MUC3A: variants seen among roughly 807,000 people sequenced by gnomAD.
The protein encoded by MUC3A is mucin 3A, cell surface associated.
MUC3A carries 109 observed loss-of-function variants against 109.0 expected under a neutral mutation model. The ratio of observed to expected loss-of-function variants is 1.00; its 90% CI spans 0.86 to 1.17. MUC3A has a LOEUF of 1.17. Among genes scored for constraint, MUC3A ranks in the 50% most tolerant of loss-of-function variants. MUC3A has a pLI of 0.00. For missense variants in MUC3A, 3,537 were observed against 2,469.4 expected (o/e 1.43, Z -9.16); for synonymous variants, 1,398 against 981.4 (o/e 1.42, Z -7.93).
At chr7:100,965,215 C>A in intron 6 of MUC3A, 67 bp from the exon 7 acceptor site, 2 of 1,572,324 alleles carry the variant, frequency 1.3e-6, no homozygotes, top group South Asian at 2.3e-5. Context: ...TGCCTCCTGG[C>A]GCTAACCCCT....
At position 100,966,607 on chromosome 7, in the gene MUC3A, C is replaced by G. The variant is rs746197115; in HGVS notation, c.9786-45C>G. On this transcript the variant is annotated intron_variant, in intron 9 of 11. Coordinates refer to ENST00000379458, the MANE Select transcript of MUC3A (RefSeq NM_005960.2). ...CGGGGGGCGAGGGCAGCCAAGGGGT[C>G]CCAGGCGGGCCGGCTCTGTCTGACC... The G allele has an allele frequency of 1.9e-6, 3 of 1,597,872 alleles. No individual in the cohort carries two copies. In the South Asian group the frequency reaches 3.3e-5, roughly 18 times the overall value.
chr7:100,965,147 TCTGGG>T, intron 6 of MUC3A, 130 bp from the exon 7 acceptor site: 1 of 1,614 alleles, frequency 6.2e-4, no homozygotes, highest in Non-Finnish European at 7.3e-4. Context: ...GCTCTCTCCG[TCTGGG>T]AGAGGGCTCT....
rs1792395075 is a variant in MUC3A, at chr7:100,963,131, G to T, written c.9053-20G>T. On this transcript the variant is annotated intron_variant, in intron 3 of 11. Transcript: ENST00000379458. ...AAAAGCAGACAGAGAAGTGACTGGG[G>T]ACATGCATGCTCTGTGTAGATGTAG... 1 of 1,596,258 alleles carries T rather than the reference G, an allele frequency of 6.3e-7. No individual in the cohort carries two copies.
chr7:100,965,970 T>C, intron 8 of MUC3A, 104 bp downstream of exon 8: 1 of 1,449,110 alleles, frequency 6.9e-7, no homozygotes, highest in Non-Finnish European at 9.1e-7. Flanking sequence ...GGGCCTACAG[T>C]GGAGCCTCGT....
Position 100,951,909 on chromosome 7 carries a change from C to A in MUC3A, c.130C>A (p.Leu44Ile). ...FPRAEAASAV[L>I]SNSPHSRDLA... is the part of the protein sequence containing the mutation. ...CAGAGCAGAAGCAGCCAGCGCTGTG[C>A]TCAGCAATTCTCCACACTCCAGAGA... Residue 44 changes from leucine (L) to isoleucine (I), a missense_variant, in exon 2 of 12, where the codon CTC becomes ATC. Physicochemically the swap from Leu to Ile is conservative, Grantham distance 5 (BLOSUM62 2). Transcript: ENST00000379458. The A allele has an allele frequency of 6.3e-7, 1 of 1,598,642 alleles. No individual in the cohort carries two copies. Among genetic ancestry groups the A allele is most frequent in the Non-Finnish European group, 8.5e-7 (1 of 1,179,788 alleles).
At position 100,965,686 on chromosome 7, in the gene MUC3A, C is replaced by A. The variant is rs201393922; in HGVS notation, c.9449-18C>A. ...GATGAGGTCCTTGTCTCTGTGCATC[C>A]CCCTCCCCAACCCCCAGCCATCTGC... On this transcript the variant is annotated intron_variant, in intron 7 of 11. Coordinates refer to ENST00000379458, the MANE Select transcript of MUC3A (RefSeq NM_005960.2). The A allele has an allele frequency of 7.9e-5, 126 of 1,593,008 alleles. No homozygotes were observed. The highest frequency in any genetic ancestry group is 7.6e-5 in the Non-Finnish European group (90 of 1,176,596).
chr7:100,967,316 T>C lies in MUC3A; in HGVS notation c.*154T>C. 7.8e-7 allele frequency: 1 copy of C among 1,280,858 alleles called. No individual in the cohort carries two copies. Among genetic ancestry groups the C allele is most frequent in the Admixed American group, 2.3e-5 (1 of 44,218 alleles). The allele number at this position is 1,280,858 out of a possible 1,614,324, so 79.3% of individuals were successfully genotyped here. A position where few individuals can be genotyped will look rare whatever the true frequency, so the allele number is the denominator to read the frequency against. On this transcript the variant is annotated 3_prime_UTR_variant, in exon 12 of 12. Coordinates refer to ENST00000379458, the MANE Select transcript of MUC3A (RefSeq NM_005960.2). The stretch of plus-strand genomic sequence containing the variant: ...ACTGTTCCCCCAAATCCCATCCTTC[T>C]CCTTCCAACTTGGCTGAAACCCACC...
Position 100,959,783 on chromosome 7 carries a change from G to C in MUC3A, c.8004G>C (p.Thr2668=). ...FTTESFTRGS[T]STNAILTSFS... ...CAGAATCTTTCACTAGGGGAAGTAC[G>C]TCTACAAATGCAATCTTGACTTCTT... The change falls in exon 2 of 12, where the codon ACG becomes ACC. Residue 2668 remains threonine (T), a synonymous_variant. Coordinates refer to ENST00000379458, the MANE Select transcript of MUC3A (RefSeq NM_005960.2). The C allele has an allele frequency of 6.3e-7, 1 of 1,591,494 alleles. No individual in the cohort carries two copies. The highest frequency in any genetic ancestry group is 8.5e-7 in the Non-Finnish European group (1 of 1,178,184).
chr7:100,960,919 G>T lies in MUC3A; in HGVS notation c.9034G>T (p.Val3012Leu). The change falls in exon 3 of 12, where the codon GTG (valine) becomes TTG (leucine). Residue 3012 changes from valine (V) to leucine (L), a missense_variant. By Grantham distance (32) the Val-to-Leu change is conservative. Transcript: ENST00000379458. Reference sequence around the variant, plus strand: ...CTATGGTTCCAGTTGTGAGTTTGCTGTGGAACAGGTGGATCTAGGTGAGTT... The same window carrying T: ...CTATGGTTCCAGTTGTGAGTTTGCTTTGGAACAGGTGGATCTAGGTGAGTT... The part of the protein sequence containing the change: ...TFYGSSCEFA[V>L]EQVDLDVVET... 6.3e-7 allele frequency: 1 copy of T among 1,598,540 alleles called. No individual in the cohort carries two copies. Among genetic ancestry groups the T allele is most frequent in the Non-Finnish European group, 8.5e-7 (1 of 1,179,816 alleles).
At position 100,956,967 on chromosome 7, in the gene MUC3A, A is replaced by T. The variant is rs1584802522; in HGVS notation, c.5188A>T (p.Thr1730Ser). ...ATTGTGQTTF[T>S]SSTATSPKTT... ...TACAGGCACAGGTCAGACTACATTC[A>T]CCAGTTCAACAGCCACATCCCCTAA... Residue 1730 changes from threonine (T) to serine (S), a missense_variant, in exon 2 of 12, where the codon ACC (threonine) becomes TCC (serine). Thr to Ser is a moderately conservative substitution (Grantham distance 58). Transcript: ENST00000379458. 2 of 426,346 alleles carry T rather than the reference A, an allele frequency of 4.7e-6. No individual in the cohort carries two copies. The highest frequency in any genetic ancestry group is 7.0e-5 in the East Asian group (2 of 28,636). The allele number at this position is 426,346 out of a possible 1,614,324, so 26.4% of individuals were successfully genotyped here.
chr7:100,952,170 C>A lies in MUC3A; in HGVS notation c.391C>A (p.Pro131Thr). 3 of 1,598,508 alleles carry A rather than the reference C, an allele frequency of 1.9e-6. No homozygotes were observed. The highest frequency in any genetic ancestry group is 2.2e-5 in the South Asian group (2 of 91,090). Reference protein sequence around the residue: ...VYSATTECVYPTSFIITISHP... With the variant: ...VYSATTECVYTTSFIITISHP... Reference sequence around the variant, plus strand: ...TTCAGCCACCACTGAGTGCGTGTATCCAACGAGCTTTATAATCACCATCTC... The same window carrying A: ...TTCAGCCACCACTGAGTGCGTGTATACAACGAGCTTTATAATCACCATCTC... Residue 131 changes from proline to threonine, a missense_variant, in exon 2 of 12, where the codon CCA becomes ACA. Transcript: ENST00000379458.
intron 3 of MUC3A, 98 bp downstream of exon 3, chr7:100,961,035 C>A (rs1792310399): frequency 6.3e-7 from 1 of 1,577,314 alleles, no homozygotes; most frequent in Admixed American, 1.8e-5. Flanking sequence ...GCACCCATGC[C>A]TTTTTGCCCG....
rs371172036 is a variant in MUC3A at position 100,960,847 on chromosome 7, A to C, written c.8962A>C (p.Asn2988His). The C allele has an allele frequency of 2.6e-4, 420 of 1,598,398 alleles. No homozygotes were observed. In the African/African-American group the frequency reaches 5.1e-3, roughly 20 times the overall value. Reference sequence around the variant, plus strand: ...CTGTCAGCTCCAGACCAGATGCCAGAATGGGGGTCAGTGGGATGGCCTCAA... The same window carrying C: ...CTGTCAGCTCCAGACCAGATGCCAGCATGGGGGTCAGTGGGATGGCCTCAA... Reference protein sequence around the residue: ...DRCQLQTRCQNGGQWDGLKCQ... With the variant: ...DRCQLQTRCQHGGQWDGLKCQ... The change falls in exon 3 of 12, where the codon AAT becomes CAT. Residue 2988 changes from asparagine to histidine, a missense_variant. Transcript: ENST00000379458.
chr7:100,959,924 C>T lies in MUC3A; in HGVS notation c.8145C>T (p.Tyr2715=). 2.6e-6 allele frequency: 4 copies of T among 1,514,382 alleles called. No homozygotes were observed. The highest frequency in any genetic ancestry group is 3.5e-6 in the Non-Finnish European group (4 of 1,142,170). The allele number at this position is 1,514,382 out of a possible 1,614,324, so 93.8% of individuals were successfully genotyped here. The part of the protein sequence containing the change: ...TTIHSVPSSP[Y]IFSTENVGSA... The stretch of plus-strand genomic sequence containing the variant: ...TTCATTCTGTTCCTTCTTCACCATA[C>T]ATTTTCAGTACAGAAAATGTGGGCT... The change falls in exon 2 of 12, where the codon TAC becomes TAT. Residue 2715 remains tyrosine (Y), a synonymous_variant. Transcript: ENST00000379458.
At position 100,960,281 on chromosome 7, in the gene MUC3A, G is replaced by A. The variant is rs1362752549; in HGVS notation, c.8502G>A (p.Met2834Ile). 1 of 1,598,548 alleles carries A rather than the reference G, an allele frequency of 6.3e-7. No homozygotes were observed. Among genetic ancestry groups the A allele is most frequent in the Non-Finnish European group, 8.5e-7 (1 of 1,179,830 alleles). The change falls in exon 2 of 12, where the codon ATG becomes ATA. Residue 2834 changes from methionine to isoleucine, a missense_variant. Physicochemically the swap from Met to Ile is conservative, Grantham distance 10. Coordinates refer to ENST00000379458, the MANE Select transcript of MUC3A (RefSeq NM_005960.2). ...TLTTYMDTSS[M>I]MPESESSISP... ...CTACATATATGGACACTTCTTCCAT[G>A]ATGCCAGAAAGTGAGTCCAGCATCT... is the stretch of plus-strand genomic sequence containing the variant.
chr7:100,960,836 C>G lies in MUC3A; in HGVS notation c.8951C>G (p.Thr2984Ser), dbSNP rs749488905. ...GFSGDRCQLQTRCQNGGQWDG... is the reference protein window; with the variant it reads ...GFSGDRCQLQSRCQNGGQWDG... ...TCTGGGGACCGCTGTCAGCTCCAGA[C>G]CAGATGCCAGAATGGGGGTCAGTGG... Residue 2984 changes from threonine to serine, a missense_variant, in exon 3 of 12, where the codon ACC (threonine) becomes AGC (serine). Coordinates refer to ENST00000379458, the MANE Select transcript of MUC3A (RefSeq NM_005960.2). 2.5e-6 allele frequency: 4 copies of G among 1,598,536 alleles called. No individual in the cohort carries two copies. The highest frequency in any genetic ancestry group is 2.2e-5 in the East Asian group (1 of 44,892).
chr7:100,962,806 T>A (rs1274512031), intron 3 of MUC3A, among the ~76,000 whole-genome samples: 2 of 46,306 alleles, frequency 4.3e-5, no homozygotes, highest in East Asian at 1.5e-3. Context: ...TTTCTCTCTC[T>A]CTCTCTCTTT....
intron 5 of MUC3A, 112 bp downstream of exon 5, chr7:100,963,864 G>T: frequency 6.8e-7 from 1 of 1,476,546 alleles, no homozygotes; most frequent in Non-Finnish European, 9.2e-7. Flanking sequence ...GAGGGGTGGA[G>T]GGGGTACATA....
chr7:100,957,419 C>A lies in MUC3A; in HGVS notation c.5640C>A (p.Leu1880=). The A allele has an allele frequency of 1.3e-6, 1 of 782,780 alleles. No individual in the cohort carries two copies. The highest frequency in any genetic ancestry group is 1.8e-6 in the Non-Finnish European group (1 of 552,800). 48.5% of individuals were successfully genotyped at this position (782,780 alleles called of 1,614,324 possible). A position where few individuals can be genotyped will look rare whatever the true frequency, so the allele number is the denominator to read the frequency against. Residue 1880 remains leucine, a synonymous_variant, in exon 2 of 12, where the codon CTC becomes CTA. Coordinates refer to ENST00000379458, the MANE Select transcript of MUC3A (RefSeq NM_005960.2). ...TTCGACCCACCTCTTCCTCTCTCCT[C>A]ACCACAGTAACAGCCACAGTTCCAA... ...TSLRPTSSSL[L]TTVTATVPTT... is the part of the protein sequence containing the mutation.
Sources: allele counts gnomAD v4.1 joint callset (sites outside exome capture counted in the v4.1 genomes callset), GRCh38; gene constraint gnomAD v4.1.1; transcripts MANE v1.5; gene names NCBI Gene and HGNC (gene_info 2026-07-23, HGNC 2026-07-21).